The following KLF17 variants were observed in gnomAD, a reference collection of about 807,000 sequenced individuals.
KLF17 encodes Krueppel-like factor 17.
In KLF17, 31 loss-of-function variants were observed where a neutral mutation model predicts 34.2. The ratio of observed to expected loss-of-function variants is 0.91; its 90% CI spans 0.68 to 1.22. The LOEUF is 1.22. KLF17 is among the 50% of genes most tolerant of loss of function. The probability of loss-of-function intolerance (pLI) is 0.00; values close to 1 mark genes in which losing one functional copy is unlikely to be tolerated. For synonymous variants in KLF17, 179 were observed against 186.7 expected, an observed-to-expected ratio of 0.96 and a Z score of 0.34; for missense variants, 478 against 505.2, an observed-to-expected ratio of 0.95 and a Z score of 0.52.
the KLF17 span, chr1:44,110,261 T>A: frequency 6.6e-6 from 1 of 152,196 alleles, no homozygotes; most frequent in African/African-American, 2.4e-5. Context: ...ACCCAAAGGT[T>A]AAGCCACTCC....
intron 1 of KLF17, among the ~76,000 whole-genome samples, chr1:44,128,007 T>C (rs1259689056): frequency 6.6e-6 from 1 of 152,092 alleles, no homozygotes; most frequent in Non-Finnish European, 1.5e-5. Flanking sequence ...GAAGAGTGAA[T>C]AGGAGATGAT....
At chr1:44,086,296 G>A in the KLF17 span, among the ~76,000 whole-genome samples, 7 of 152,090 alleles carry the variant, frequency 4.6e-5, no homozygotes, top group Admixed American at 2.0e-4. Context: ...GAGAAACCCC[G>A]TCTCTACTAA....
At chr1:44,051,549 A>G in the KLF17 span, 5 of 152,142 alleles carry the variant, frequency 3.3e-5, no homozygotes, top group Non-Finnish European at 7.3e-5. Context: ...CAGGAATTAA[A>G]GCCTTTGGCT....
At chr1:44,117,486 T>A (rs796972443), upstream of KLF17, 10 of 149,086 alleles carry the variant, frequency 6.7e-5, no homozygotes, top group African/African-American at 1.7e-4. Flanking sequence ...TTTATTTTAT[T>A]TTATATTTTA....
the KLF17 span, among the ~76,000 whole-genome samples, chr1:44,054,728 G>T: frequency 2.0e-5 from 3 of 148,986 alleles, no homozygotes; most frequent in South Asian, 2.1e-4. Context: ...TGATCCACCC[G>T]CCTTGGCCTC....
Position 44,129,733 on chromosome 1 carries a change from C to T in KLF17, c.462C>T (p.Pro154=). The T allele has an allele frequency of 1.2e-6, 2 of 1,614,136 alleles. No individual in the cohort carries two copies. The highest frequency in any genetic ancestry group is 8.5e-7 in the Non-Finnish European group (1 of 1,180,016). The change falls in exon 2 of 4, where the codon CCC becomes CCT. Residue 154 remains proline (P), a synonymous_variant. Transcript: ENST00000372299. Reference sequence around the variant, plus strand: ...CCTTCGGTGGGAATCTAAGGATGCCCCCCAATGGGCTGCCAGTCTCGGCTT... The same window carrying T: ...CCTTCGGTGGGAATCTAAGGATGCCTCCCAATGGGCTGCCAGTCTCGGCTT... ...ARPFGGNLRM[P]PNGLPVSAST...
At chr1:44,103,550 C>T in the KLF17 span, 4 of 1,459,360 alleles carry the variant, frequency 2.7e-6, no homozygotes, top group Non-Finnish European at 2.9e-6. Context: ...TACTCCTGTT[C>T]TGCATCCCAG....
chr1:44,058,981 GA>G, the KLF17 span, among the ~76,000 whole-genome samples: 3 of 152,106 alleles, frequency 2.0e-5, no homozygotes, highest in Admixed American at 6.5e-5. Flanking sequence ...TTGGAAAGAA[GA>G]ATCCGCCAAT....
At chr1:44,113,590 G>C in the KLF17 span, among the ~76,000 whole-genome samples, 2 of 152,178 alleles carry the variant, frequency 1.3e-5, no homozygotes, top group Non-Finnish European at 2.9e-5. Context: ...TGACGAGTGG[G>C]AAGGACACTC....
At chr1:44,098,752 A>G in the KLF17 span, among the ~76,000 whole-genome samples, 11,655 of 151,740 alleles carry the variant, frequency 0.077, 510 homozygotes, top group South Asian at 0.18. Context: ...AGGTTTCACC[A>G]TGTTAGCCAA....
the KLF17 span, chr1:44,087,929 G>A: frequency 7.4e-4 from 144 of 195,612 alleles, no homozygotes; most frequent in Non-Finnish European, 1.1e-3. Context: ...ACAGAAGCAG[G>A]TATGGGTAGG....
the KLF17 span, among the ~76,000 whole-genome samples, chr1:44,071,342 A>C: frequency 6.6e-6 from 1 of 152,074 alleles, no homozygotes; most frequent in Non-Finnish European, 1.5e-5. Flanking sequence ...CACAGTCTAC[A>C]CTTAGGTTAC....
At chr1:44,103,978 GC>G in the KLF17 span, 3 of 856,562 alleles carry the variant, frequency 3.5e-6, no homozygotes, top group South Asian at 3.9e-5. Flanking sequence ...ATCTCGTACT[GC>G]GCCTTGACCT....
At chr1:44,107,671 A>G in the KLF17 span, among the ~76,000 whole-genome samples, 4 of 152,072 alleles carry the variant, frequency 2.6e-5, no homozygotes. Context: ...CGCTTGGTAA[A>G]GGTCTCGGTT....
chr1:44,129,359 G>A lies in KLF17; in HGVS notation c.88G>A (p.Glu30Lys), dbSNP rs758567338. ...CTGACTCTTTTTCCCCAAGGATAAC[G>A]AGAACTCAGCGCCCATCTTGAACAT... ...QAAHQAAQDN[E>K]NSAPILNMSS... is the part of the protein sequence containing the mutation. The change falls in exon 2 of 4, where the codon GAG becomes AAG. Residue 30 changes from glutamate (E) to lysine (K), a missense_variant. Coordinates refer to ENST00000372299, the MANE Select transcript of KLF17 (RefSeq NM_173484.4). 5 of 1,510,358 alleles carry A rather than the reference G, an allele frequency of 3.3e-6. No homozygotes were observed. The highest frequency in any genetic ancestry group is 4.4e-6 in the Non-Finnish European group (5 of 1,129,726). The allele number at this position is 1,510,358 out of a possible 1,614,324, so 93.6% of individuals were successfully genotyped here. A position where few individuals can be genotyped will look rare whatever the true frequency, so the allele number is the denominator to read the frequency against.
chr1:44,127,692 T>TTTCTTTCTTTC (rs1553171671), intron 1 of KLF17, among the ~76,000 whole-genome samples: 2 of 90,136 alleles, frequency 2.2e-5, no homozygotes, highest in African/African-American at 1.1e-4. Context: ...CTTTCTTTCT[T>TTTCTTTCTTTC]TTTCTTTCTT....
the KLF17 span, among the ~76,000 whole-genome samples, chr1:44,095,371 G>C: frequency 6.6e-6 from 1 of 151,746 alleles, no homozygotes; most frequent in Non-Finnish European, 1.5e-5. Context: ...ATGCGCCACT[G>C]CATCTGGCTA....
chr1:44,103,667 C>A, the KLF17 span: 1 of 1,610,274 alleles, frequency 6.2e-7, no homozygotes, highest in East Asian at 2.2e-5. Flanking sequence ...ACTCACGCAG[C>A]TGCCGCGCCA....
At chr1:44,058,895 AC>A in the KLF17 span, among the ~76,000 whole-genome samples, 1 of 151,752 alleles carries the variant, frequency 6.6e-6, no homozygotes, top group Non-Finnish European at 1.5e-5. Context: ...GCTCCCTTCA[AC>A]AAAATATCGC....
Sources: allele counts gnomAD v4.1 joint callset (sites outside exome capture counted in the v4.1 genomes callset), GRCh38; gene constraint gnomAD v4.1.1; transcripts MANE v1.5; gene names NCBI Gene and HGNC (gene_info 2026-07-23, HGNC 2026-07-21).